The following RAPGEF5 variants were observed in gnomAD, a reference collection of about 807,000 sequenced individuals.
RAPGEF5 encodes the protein Rap guanine nucleotide exchange factor 5.
A neutral mutation model predicts 125.2 loss-of-function variants in RAPGEF5; 65 were observed. The ratio of observed to expected loss-of-function variants is 0.52; its 90% CI spans 0.43 to 0.64. The LOEUF is 0.64. Ranked by LOEUF, RAPGEF5 falls within the 30% of genes least tolerant of loss-of-function variation. The pLI is 0.00. For synonymous variants in RAPGEF5, 391 were observed against 385.9 expected (o/e 1.01, Z -0.16); for missense variants, 958 against 1,048.1 (o/e 0.91, Z 1.19).
At chr7:22,287,178 C>T (rs1782818210) in intron 6 of RAPGEF5, among the ~76,000 whole-genome samples, 1 of 152,200 alleles carries the variant, frequency 6.6e-6, no homozygotes, top group African/African-American at 2.4e-5. Flanking sequence ...TTCTGTATGT[C>T]TGACACTTGG....
Position 22,120,883 on chromosome 7 carries a change from T to C in RAPGEF5, c.*1523A>G, listed in dbSNP as rs188436772. On this transcript the variant is annotated 3_prime_UTR_variant, in exon 26 of 26. Transcript: ENST00000665637. This position sits in a 1 kb window ranked among gnomAD's most constrained non-coding sequence, Gnocchi z 4.0. ...ACTGCTATAAAGATGTCAAAAAGCA[T>C]TGGACACGCCTCAGTAATGAGGATG... The C allele has an allele frequency of 1.1e-4, 16 of 152,198 alleles. No individual in the cohort carries two copies. Among genetic ancestry groups the C allele is most frequent in the South Asian group, 4.2e-4 (2 of 4,808 alleles). 9.4% of individuals were successfully genotyped at this position (152,198 alleles called of 1,614,324 possible). A position where few individuals can be genotyped will look rare whatever the true frequency, so the allele number is the denominator to read the frequency against.
At chr7:22,315,296 G>T (rs547863281) in intron 3 of RAPGEF5, 74 bp downstream of exon 3, 1 of 1,488,264 alleles carries the variant, frequency 6.7e-7, no homozygotes, top group South Asian at 1.3e-5. Flanking sequence ...TTTGATCAAG[G>T]TTACAATTTT....
intron 8 of RAPGEF5, among the ~76,000 whole-genome samples, chr7:22,224,076 A>C (rs1785855472): frequency 6.6e-6 from 1 of 152,192 alleles, no homozygotes; most frequent in Non-Finnish European, 1.5e-5. Flanking sequence ...TTGTCAACTC[A>C]TGGCCTAAGA....
chr7:22,178,781 T>G (rs536510688), intron 11 of RAPGEF5, among the ~76,000 whole-genome samples: 4 of 152,142 alleles, frequency 2.6e-5, no homozygotes, highest in East Asian at 1.9e-4. Context: ...GCATGATTGA[T>G]TAAATCATGG....
In RAPGEF5 at chr7:22,136,129, C is replaced by A; in HGVS notation, c.2329-4G>T. The A allele has an allele frequency of 1.9e-6, 3 of 1,593,930 alleles. No homozygotes were observed. Among genetic ancestry groups the A allele is most frequent in the East Asian group, 2.2e-5 (1 of 44,700 alleles). ...CTTTGTGATTTAGGGAAGGATCCTGCCGAACCAAGCAGATTACAAAGAGAA... is the reference window on the plus strand; with the variant it reads ...CTTTGTGATTTAGGGAAGGATCCTGACGAACCAAGCAGATTACAAAGAGAA... On this transcript the variant is annotated splice_region_variant and splice_polypyrimidine_tract_variant and intron_variant, in intron 22 of 25. Coordinates refer to ENST00000665637, the MANE Select transcript of RAPGEF5 (RefSeq NM_012294.5).
At chr7:22,272,861 A>G (rs867149816) in intron 6 of RAPGEF5, among the ~76,000 whole-genome samples, 1 of 152,018 alleles carries the variant, frequency 6.6e-6, no homozygotes, top group South Asian at 2.1e-4. Context: ...GGGTCAAGCA[A>G]TCCTCCCACC....
intron 11 of RAPGEF5, among the ~76,000 whole-genome samples, chr7:22,178,941 C>T (rs1017842512): frequency 6.6e-6 from 1 of 152,162 alleles, no homozygotes; most frequent in Non-Finnish European, 1.5e-5. Flanking sequence ...CACCAGTCAT[C>T]ATATTAGCAT....
intron 7 of RAPGEF5, among the ~76,000 whole-genome samples, chr7:22,255,124 G>T (rs1380908019): frequency 1.3e-5 from 2 of 151,988 alleles, no homozygotes. Flanking sequence ...CACCCCAAAT[G>T]CCTATTTAAG....
At chr7:22,167,893 C>T (rs1784222295) in intron 11 of RAPGEF5, among the ~76,000 whole-genome samples, 1 of 152,168 alleles carries the variant, frequency 6.6e-6, no homozygotes, top group African/African-American at 2.4e-5. Flanking sequence ...AAGAGGCAAA[C>T]TCTGACTTTC....
At chr7:22,276,605 G>C (rs1782561582) in intron 6 of RAPGEF5, among the ~76,000 whole-genome samples, 1 of 152,196 alleles carries the variant, frequency 6.6e-6, no homozygotes, top group Admixed American at 6.5e-5. Context: ...TTTCCAGCTA[G>C]AAATTCTACG....
At chr7:22,320,314 A>G (rs1030196823) in intron 1 of RAPGEF5, among the ~76,000 whole-genome samples, 10 of 152,218 alleles carry the variant, frequency 6.6e-5, no homozygotes, top group South Asian at 2.1e-4. Flanking sequence ...AACGATGATC[A>G]TAACTGTACT....
chr7:22,293,967 T>C (rs1008202964), intron 5 of RAPGEF5, among the ~76,000 whole-genome samples: 15 of 152,224 alleles, frequency 9.9e-5, no homozygotes, highest in Admixed American at 8.5e-4. Flanking sequence ...TGTTTTAATG[T>C]GTGTAAATAC....
At chr7:22,144,627 C>T (rs368984184) in intron 20 of RAPGEF5, among the ~76,000 whole-genome samples, 5 of 152,236 alleles carry the variant, frequency 3.3e-5, no homozygotes, top group South Asian at 2.1e-4. Flanking sequence ...TGAACGAGTT[C>T]GCAAAAGTTC....
At chr7:22,356,776 C>T in intron 1 of RAPGEF5, 54 bp downstream of exon 1, 3 of 1,015,908 alleles carry the variant, frequency 3.0e-6, no homozygotes, top group Non-Finnish European at 3.7e-6. Context: ...GGGGTGGGCG[C>T]GGGCTCCACG....
chr7:22,202,228 G>A lies in RAPGEF5; in HGVS notation c.997-8195C>T, dbSNP rs1356480781. Among the ~76,000 whole-genome samples the A allele has an allele frequency of 2.0e-5, 3 of 152,178 alleles. No homozygotes were observed. The East Asian group carries it at 5.8e-4, about 29-fold the overall frequency. ...TGAGTAATGGGCATAGCACTCTGAC[G>A]CAGAAATGGAGCTTGATTCTGACTC... On this transcript the variant is annotated intron_variant, in intron 9 of 25. Coordinates refer to ENST00000665637, the MANE Select transcript of RAPGEF5 (RefSeq NM_012294.5).
At position 22,356,896 on chromosome 7, in the gene RAPGEF5, C is replaced by T. The variant is rs1784432394; in HGVS notation, c.165G>A (p.Arg55=). The T allele has an allele frequency of 2.6e-6, 3 of 1,134,742 alleles. No homozygotes were observed. The highest frequency in any genetic ancestry group is 3.2e-6 in the Non-Finnish European group (3 of 926,578). The allele number at this position is 1,134,742 out of a possible 1,614,324, so 70.3% of individuals were successfully genotyped here. The change falls in exon 1 of 26, where the codon AGG becomes AGA. Residue 55 remains arginine, a synonymous_variant. Transcript: ENST00000665637. ...QPPASLRPRL[R]DLPALLRSGL... ...CGCTCCGCAGCAGCGCGGGCAGGTC[C>T]CTCAGCCGCGGCCGCAGCGACGCCG...
At chr7:22,144,098 C>G (rs1196763652) in intron 20 of RAPGEF5, among the ~76,000 whole-genome samples, 2 of 152,210 alleles carry the variant, frequency 1.3e-5, no homozygotes, top group Non-Finnish European at 2.9e-5. Context: ...TGCTGGGGAG[C>G]TGTCCAAAGA....
At chr7:22,190,476 T>C (rs965305928) in intron 11 of RAPGEF5, among the ~76,000 whole-genome samples, 1 of 152,238 alleles carries the variant, frequency 6.6e-6, no homozygotes, top group East Asian at 1.9e-4. Flanking sequence ...AGAATTATTT[T>C]TCCTTTAAAA....
At chr7:22,237,020 T>A (rs1157938243) in intron 7 of RAPGEF5, among the ~76,000 whole-genome samples, 3 of 152,224 alleles carry the variant, frequency 2.0e-5, no homozygotes, top group Non-Finnish European at 4.4e-5. Context: ...TCTTCCTTTG[T>A]ACATTTCTTT....
Sources: gnomAD v4.1 joint callset for allele counts (sites outside exome capture counted in the v4.1 genomes callset) on GRCh38, gnomAD v4.1.1 for gene constraint, Gnocchi (gnomAD v3.1) non-coding constraint, MANE v1.5 for transcripts, NCBI Gene and HGNC (gene_info 2026-07-23, HGNC 2026-07-21) for gene names.